The following UPF3B variants were observed in gnomAD, a reference collection of about 807,000 sequenced individuals.
UPF3B encodes the protein UPF3B regulator of nonsense mediated mRNA decay, also known as regulator of nonsense transcripts 3B.
In UPF3B, 7 loss-of-function variants were observed where a neutral mutation model predicts 40.3. That is an observed-to-expected ratio of 0.17 (90% CI 0.10 to 0.33). The LOEUF (loss-of-function observed/expected upper bound fraction) is 0.33. Ranked by LOEUF, UPF3B falls within the 10% of genes least tolerant of loss-of-function variation. The pLI, the probability that UPF3B is intolerant of heterozygous loss-of-function variation, is 1.00. For missense variants in UPF3B, 229 were observed against 358.9 expected (o/e 0.64, Z 2.93); for synonymous variants, 117 against 117.3 (o/e 1.00, Z 0.01).
chrX:119,831,188 C>G (rs923016683), downstream of UPF3B, among the ~76,000 whole-genome samples: 1 of 111,851 alleles, frequency 8.9e-6, no homozygotes, highest in African/African-American at 3.2e-5. Flanking sequence ...GTGTACCCCA[C>G]GAGCAGAGCG....
chrX:119,834,829 G>A lies in UPF3B; in HGVS notation c.*49C>T, dbSNP rs182885401. 1.1e-4 allele frequency: 134 copies of A among 1,208,533 alleles called. No homozygotes were observed. In the East Asian group the frequency reaches 3.5e-3, roughly 32 times the overall value. ...GGCACCTCTGGATTGCTTAACGTGT[G>A]CTCTTTGGCTGCCTAGACAGTCAGG... On this transcript the variant is annotated 3_prime_UTR_variant, in exon 11 of 11. Transcript: ENST00000276201.
At chrX:119,815,294 A>G in exon 5 of UPF3B, 1 of 781,707 alleles carries the variant, frequency 1.3e-6, no homozygotes, top group Non-Finnish European at 1.5e-6. Context: ...GTAACGCTGC[A>G]TCCCTGGATG....
downstream of UPF3B, among the ~76,000 whole-genome samples, chrX:119,829,815 C>T (rs1319207840): frequency 2.7e-5 from 3 of 111,738 alleles, no homozygotes; most frequent in Admixed American, 2.9e-4. Flanking sequence ...CAAATCCATA[C>T]ATCCATTTCC....
intron 3 of UPF3B, among the ~76,000 whole-genome samples, chrX:119,825,928 G>C (rs930954197): frequency 1.8e-5 from 2 of 111,697 alleles, no homozygotes; most frequent in Non-Finnish European, 3.8e-5. Flanking sequence ...GGAGGTCAAG[G>C]CAAGTGGATC....
chrX:119,811,951 CAAA>C (rs1353396186), intron 5 of UPF3B, among the ~76,000 whole-genome samples: 1 of 107,003 alleles, frequency 9.3e-6, no homozygotes, highest in African/African-American at 3.4e-5. Context: ...AACCTTACCT[CAAA>C]AGAAAAAAAA....
chrX:119,820,982 G>A (rs2055912010), intron 4 of UPF3B, among the ~76,000 whole-genome samples: 1 of 111,407 alleles, frequency 9.0e-6, no homozygotes, highest in African/African-American at 3.3e-5. Flanking sequence ...AACAGTTGAT[G>A]TAGTTTTGAA....
chrX:119,807,895 A>C (rs1037680456), intron 5 of UPF3B, among the ~76,000 whole-genome samples: 3 of 111,803 alleles, frequency 2.7e-5, no homozygotes, highest in Non-Finnish European at 5.6e-5. Flanking sequence ...TCCAGACTCA[A>C]GCGATCCTCC....
Position 119,838,036 on chromosome X carries a change from G to C in UPF3B, c.1023C>G (p.Ser341Arg). 1 of 1,210,323 alleles carries C rather than the reference G, an allele frequency of 8.3e-7. No homozygotes were observed. The highest frequency in any genetic ancestry group is 1.7e-5 in the African/African-American group (1 of 57,551). The change falls in exon 10 of 11, where the codon AGC becomes AGG. Residue 341 changes from serine to arginine, a missense_variant. Ser to Arg is a moderately radical substitution (Grantham distance 110). Transcript: ENST00000276201. Reference protein sequence around the residue: ...DEKPKRPEDESGRDYRERERE... With the variant: ...DEKPKRPEDERGRDYRERERE... The stretch of plus-strand genomic sequence containing the variant: ...GTTCCCTCTCCCTATAGTCTCTGCC[G>C]CTCTCATCTTCAGGTCTGCATGAAA...
downstream of UPF3B, among the ~76,000 whole-genome samples, chrX:119,830,283 G>A (rs1403516373): frequency 9.0e-6 from 1 of 111,031 alleles, no homozygotes; most frequent in Non-Finnish European, 1.9e-5. Context: ...AATCCCCAGT[G>A]TTGTAGGTGG....
intron 10 of UPF3B, among the ~76,000 whole-genome samples, chrX:119,835,378 G>C (rs1276317302): frequency 9.0e-6 from 1 of 111,246 alleles, no homozygotes; most frequent in African/African-American, 3.3e-5. Context: ...TGGGATTATA[G>C]GCACGCACTA....
chrX:119,828,157 G>A (rs888967560), intron 3 of UPF3B, among the ~76,000 whole-genome samples: 2 of 110,681 alleles, frequency 1.8e-5, no homozygotes, highest in African/African-American at 6.6e-5. Flanking sequence ...AGGTTCAAGC[G>A]GTTCTCCTGA....
chrX:119,823,466 G>A (rs1228907989), intron 3 of UPF3B, among the ~76,000 whole-genome samples: 1 of 110,121 alleles, frequency 9.1e-6, no homozygotes, highest in Non-Finnish European at 1.9e-5. Context: ...TAGAACTCCT[G>A]AAGTTAAATG....
At chrX:119,850,730 AT>A (rs751765415) in intron 3 of UPF3B, among the ~76,000 whole-genome samples, 1 of 111,466 alleles carries the variant, frequency 9.0e-6, no homozygotes, top group African/African-American at 3.3e-5. Flanking sequence ...AAAGTAAGAG[AT>A]GTATCAAGTT....
intron 6 of UPF3B, among the ~76,000 whole-genome samples, chrX:119,807,002 C>G (rs113031461): frequency 1.2e-5 from 1 of 81,803 alleles, no homozygotes; most frequent in African/African-American, 5.0e-5. Context: ...GTACTCCAGG[C>G]TGGGCAACAG....
downstream of UPF3B, among the ~76,000 whole-genome samples, chrX:119,830,901 C>T (rs750471886): frequency 3.6e-5 from 4 of 111,950 alleles, no homozygotes; most frequent in African/African-American, 1.3e-4. Flanking sequence ...CGGAACAAGA[C>T]TTCAAAGACA....
At position 119,835,036 on chromosome X, in the gene UPF3B, C is replaced by T; in HGVS notation, c.1303-9G>A. 1 of 1,197,752 alleles carries T rather than the reference C, an allele frequency of 8.3e-7. No homozygotes were observed. The highest frequency in any genetic ancestry group is 1.1e-6 in the Non-Finnish European group (1 of 886,700). On this transcript the variant is annotated splice_polypyrimidine_tract_variant and intron_variant, in intron 10 of 10. Coordinates refer to ENST00000276201, the MANE Select transcript of UPF3B (RefSeq NM_080632.3). ...TGCATCGCTGGACGATCCTGAAGTA[C>T]AATAAAATATGTTACCATTACAACA...
chrX:119,812,677 T>TA (rs1350155923), intron 5 of UPF3B, among the ~76,000 whole-genome samples: 2 of 111,847 alleles, frequency 1.8e-5, no homozygotes, highest in Admixed American at 9.6e-5. Flanking sequence ...TATGTAATGT[T>TA]AGTTTTTCGA....
In UPF3B at chrX:119,834,175, T is replaced by G; in HGVS notation, c.*703A>C. 1.3e-6 allele frequency: 1 copy of G among 755,193 alleles called. No homozygotes were observed. Among genetic ancestry groups the G allele is most frequent in the Non-Finnish European group, 1.6e-6 (1 of 639,824 alleles). The allele number at this position is 755,193 out of a possible 1,213,427, so 62.2% of individuals were successfully genotyped here. Reference sequence around the variant, plus strand: ...AGACCTAAGATCAAACACACTGGATTGTCAAGAGTCAAACAAGGACTACAT... The same window carrying G: ...AGACCTAAGATCAAACACACTGGATGGTCAAGAGTCAAACAAGGACTACAT... On this transcript the variant is annotated 3_prime_UTR_variant, in exon 11 of 11. Coordinates refer to ENST00000276201, the MANE Select transcript of UPF3B (RefSeq NM_080632.3).
chrX:119,844,340 C>G (rs1340131379), intron 4 of UPF3B, among the ~76,000 whole-genome samples: 1 of 110,865 alleles, frequency 9.0e-6, no homozygotes, highest in African/African-American at 3.3e-5. Flanking sequence ...AGTGAGCCAC[C>G]GCGCCTGGCC....
Sources: allele counts gnomAD v4.1 joint callset (sites outside exome capture counted in the v4.1 genomes callset), GRCh38; gene constraint gnomAD v4.1.1; transcripts MANE v1.5; gene names NCBI Gene and HGNC (gene_info 2026-07-23, HGNC 2026-07-21).